The following MROH9 variants were observed in gnomAD, a reference collection of about 807,000 sequenced individuals.
The protein encoded by MROH9 is maestro heat like repeat family member 9, also known as maestro heat-like repeat-containing protein family member 9.
MROH9 carries 92 observed loss-of-function variants against 98.2 expected under a neutral mutation model. That is an observed-to-expected ratio of 0.94 (90% CI 0.79 to 1.11). The LOEUF (loss-of-function observed/expected upper bound fraction) is 1.11, where lower values mean the gene tolerates loss of function less well. Among genes scored for constraint, MROH9 ranks in the 50% most tolerant of loss-of-function variants. The pLI is 0.00. For synonymous variants in MROH9, 397 were observed against 368.9 expected (o/e 1.08, Z -0.87); for missense variants, 1,057 against 1,014.8 (o/e 1.04, Z -0.57).
At chr1:171,061,012 G>A (rs145428308) in intron 20 of MROH9, among the ~76,000 whole-genome samples, 4 of 152,166 alleles carry the variant, frequency 2.6e-5, no homozygotes, top group African/African-American at 4.8e-5. Flanking sequence ...ACTTTAAAAC[G>A]TCTACAAGTA....
intron 17 of MROH9, among the ~76,000 whole-genome samples, chr1:171,021,306 A>G (rs1557901424): frequency 1.3e-5 from 2 of 152,172 alleles, no homozygotes; most frequent in Admixed American, 1.3e-4. Flanking sequence ...AGCCAAGACA[A>G]TCCTAAGCAC....
intron 7 of MROH9, among the ~76,000 whole-genome samples, chr1:170,970,731 T>TGAGAGAGAGAGAGAGA (rs1199063303): frequency 2.8e-4 from 25 of 90,794 alleles, no homozygotes; most frequent in African/African-American, 9.1e-4. Flanking sequence ...TGTGTGTGTG[T>TGAGAGAGAGAGAGAGA]GAGAGAGAGA....
intron 3 of MROH9, among the ~76,000 whole-genome samples, chr1:170,953,857 A>G (rs1649656051): frequency 9.7e-6 from 1 of 102,818 alleles, no homozygotes; most frequent in Non-Finnish European, 2.0e-5. Flanking sequence ...AAGAAAGAGA[A>G]AGAAAGAGAG....
chr1:171,032,567 C>A (rs1652958140), intron 20 of MROH9, among the ~76,000 whole-genome samples: 2 of 152,120 alleles, frequency 1.3e-5, no homozygotes, highest in Admixed American at 6.5e-5. Flanking sequence ...GGGTTCACTG[C>A]AGGCCCTACT....
intron 1 of MROH9, among the ~76,000 whole-genome samples, chr1:170,944,113 G>A (rs971811081): frequency 1.5e-4 from 23 of 151,932 alleles, no homozygotes; most frequent in Non-Finnish European, 5.9e-5. Flanking sequence ...AAACACAAAT[G>A]CATAAAGGTT....
At chr1:171,049,673 GT>G (rs1256250325) in intron 20 of MROH9, among the ~76,000 whole-genome samples, 3 of 151,442 alleles carry the variant, frequency 2.0e-5, no homozygotes, top group African/African-American at 7.3e-5. Context: ...TTTTTAATGA[GT>G]TTTTTCTTTT....
intron 3 of MROH9, among the ~76,000 whole-genome samples, chr1:170,955,050 A>G (rs964913229): frequency 2.0e-5 from 3 of 152,122 alleles, no homozygotes; most frequent in Admixed American, 2.0e-4. Flanking sequence ...CATATCACAG[A>G]GAACATACGG....
intron 20 of MROH9, among the ~76,000 whole-genome samples, chr1:171,037,729 G>T (rs1653152586): frequency 6.6e-6 from 1 of 151,812 alleles, no homozygotes; most frequent in East Asian, 1.9e-4. Context: ...AAAATCACAT[G>T]GAATGAATAG....
At position 170,983,535 on chromosome 1, in the gene MROH9, G is replaced by T. The variant is rs765354128; in HGVS notation, c.729+1G>T. 3 of 1,574,940 alleles carry T rather than the reference G, an allele frequency of 1.9e-6. No homozygotes were observed. The highest frequency in any genetic ancestry group is 2.7e-5 in the African/African-American group (2 of 74,020). On this transcript the variant is annotated splice_donor_variant, in intron 9 of 21. Coordinates refer to ENST00000367759, the MANE Select transcript of MROH9 (RefSeq NM_001163629.2). LOFTEE classifies it high-confidence loss of function. The stretch of plus-strand genomic sequence containing the variant: ...ACAAGACGAAAGTAAAATAGCTCAG[G>T]TAACTTAGCCCCCACTTTTTCCGAG...
intron 12 of MROH9, among the ~76,000 whole-genome samples, chr1:170,994,513 C>G (rs749524766): frequency 7.9e-5 from 12 of 152,014 alleles, no homozygotes; most frequent in Non-Finnish European, 1.2e-4. Context: ...ATTTATGGGG[C>G]ACATGAGATG....
chr1:171,056,675 G>A (rs1271276487), intron 20 of MROH9, among the ~76,000 whole-genome samples: 3 of 152,100 alleles, frequency 2.0e-5, no homozygotes, highest in African/African-American at 7.2e-5. Context: ...CACCCAACTG[G>A]GTGACAACAG....
chr1:170,958,134 C>T (rs1442744557), intron 3 of MROH9, among the ~76,000 whole-genome samples: 2 of 151,960 alleles, frequency 1.3e-5, no homozygotes, highest in Non-Finnish European at 2.9e-5. Flanking sequence ...TAGGTAGACT[C>T]CACACTGTGT....
chr1:171,014,352 T>G lies in MROH9; in HGVS notation c.1734+98T>G, dbSNP rs985053440. On this transcript the variant is annotated intron_variant, in intron 16 of 21. Transcript: ENST00000367759. ...TTCACTGACAAAGCGGTGATATTTTTCAGTCTCTATATAACTAAAACATAT... is the reference window on the plus strand; with the variant it reads ...TTCACTGACAAAGCGGTGATATTTTGCAGTCTCTATATAACTAAAACATAT... 1.9e-5 allele frequency: 22 copies of G among 1,166,930 alleles called. No individual in the cohort carries two copies. In the African/African-American group the frequency reaches 2.9e-4, roughly 16 times the overall value. The allele number at this position is 1,166,930 out of a possible 1,614,324, so 72.3% of individuals were successfully genotyped here. A position where few individuals can be genotyped will look rare whatever the true frequency, so the allele number is the denominator to read the frequency against.
intron 20 of MROH9, among the ~76,000 whole-genome samples, chr1:171,033,732 A>G (rs1227190341): frequency 6.6e-6 from 1 of 152,136 alleles, no homozygotes; most frequent in East Asian, 1.9e-4. Flanking sequence ...TCGGCCATCT[A>G]TTCGGCTCCC....
At chr1:170,945,818 C>CA (rs1649310720) in intron 2 of MROH9, among the ~76,000 whole-genome samples, 1 of 151,578 alleles carries the variant, frequency 6.6e-6, no homozygotes, top group South Asian at 2.1e-4. Context: ...GATTACAATG[C>CA]AAAAAATTAG....
At chr1:171,012,954 C>T (rs368229756) in intron 15 of MROH9, among the ~76,000 whole-genome samples, 1 of 152,146 alleles carries the variant, frequency 6.6e-6, no homozygotes, top group Non-Finnish European at 1.5e-5. Flanking sequence ...TTCTGTCCCA[C>T]CTTCCATACT....
intron 20 of MROH9, among the ~76,000 whole-genome samples, chr1:171,049,869 A>G (rs1411498711): frequency 1.3e-5 from 2 of 151,958 alleles, no homozygotes; most frequent in African/African-American, 4.8e-5. Flanking sequence ...TTTTGTAAAA[A>G]TGTGGCTTTG....
intron 4 of MROH9, among the ~76,000 whole-genome samples, chr1:170,959,146 C>A (rs1205556409): frequency 6.6e-6 from 1 of 152,036 alleles, no homozygotes; most frequent in Non-Finnish European, 1.5e-5. Flanking sequence ...GAGGCTGAGG[C>A]GGGCGGATCA....
intron 20 of MROH9, among the ~76,000 whole-genome samples, chr1:171,033,324 G>A (rs1346096838): frequency 2.0e-5 from 3 of 152,266 alleles, no homozygotes; most frequent in African/African-American, 7.2e-5. Context: ...GTAATCTTAA[G>A]CCGATTCCAG....
Sources: allele counts gnomAD v4.1 joint callset (sites outside exome capture counted in the v4.1 genomes callset), GRCh38; gene constraint gnomAD v4.1.1; transcripts MANE v1.5; gene names NCBI Gene and HGNC (gene_info 2026-07-23, HGNC 2026-07-21).